Variants in B3GAT2 observed in about 807,000 individuals in gnomAD.
B3GAT2 encodes galactosylgalactosylxylosylprotein 3-beta-glucuronosyltransferase 2.
Under a neutral mutation model 27.8 loss-of-function variants are expected in B3GAT2, and 26 were observed. That is an observed-to-expected ratio of 0.93 (90% CI 0.68 to 1.30). The LOEUF (loss-of-function observed/expected upper bound fraction) is 1.30. B3GAT2 is among the 50% of genes most tolerant of loss of function. B3GAT2 has a pLI of 0.00. For synonymous variants in B3GAT2, 218 were observed against 195.1 expected (o/e 1.12, Z -0.98); for missense variants, 458 against 459.0 (o/e 1.00, Z 0.02).
intron 1 of B3GAT2, among the ~76,000 whole-genome samples, chr6:70,947,236 C>T (rs1407191227): frequency 6.6e-6 from 1 of 151,520 alleles, no homozygotes; most frequent in East Asian, 1.9e-4. Context: ...AAAATCAGAG[C>T]AGAACTGAAG....
intron 1 of B3GAT2, among the ~76,000 whole-genome samples, chr6:70,919,550 G>T (rs1224815540): frequency 8.5e-5 from 13 of 152,104 alleles, no homozygotes; most frequent in Admixed American, 7.9e-4. Flanking sequence ...TCTACCTTTG[G>T]TCTTTGATGT....
Position 70,857,112 on chromosome 6 carries a change from C to A in B3GAT2, c.*4551G>T, listed in dbSNP as rs564892493. 1.4e-5 allele frequency: 19 copies of A among 1,329,820 alleles called. No homozygotes were observed. The African/African-American group carries it at 2.8e-4, about 20-fold the overall frequency. The allele number at this position is 1,329,820 out of a possible 1,614,324, so 82.4% of individuals were successfully genotyped here. ...TTATATAATAAGATCAATTATATAT[C>A]TTTTATTGTTCCATGTAGTGAGTGC... is the stretch of plus-strand genomic sequence containing the variant. On this transcript the variant is annotated 3_prime_UTR_variant, in exon 4 of 4. Coordinates refer to ENST00000230053, the MANE Select transcript of B3GAT2 (RefSeq NM_080742.3).
intron 1 of B3GAT2, among the ~76,000 whole-genome samples, chr6:70,954,423 C>A (rs890998503): frequency 2.6e-5 from 4 of 152,080 alleles, no homozygotes; most frequent in Non-Finnish European, 5.9e-5. Context: ...GCCTTTTATT[C>A]ATGAAAGAGA....
chr6:70,919,483 C>G (rs1772830858), intron 1 of B3GAT2, among the ~76,000 whole-genome samples: 1 of 152,168 alleles, frequency 6.6e-6, no homozygotes, highest in Admixed American at 6.5e-5. Flanking sequence ...GAAAGGCGTT[C>G]TGGTTTTGGA....
In B3GAT2 at chr6:70,860,701, C is replaced by T; in HGVS notation, c.*962G>A. 2.5e-6 allele frequency: 1 copy of T among 402,260 alleles called. No individual in the cohort carries two copies. Among genetic ancestry groups the T allele is most frequent in the Non-Finnish European group, 4.4e-6 (1 of 227,906 alleles). The allele number at this position is 402,260 out of a possible 1,614,324, so 24.9% of individuals were successfully genotyped here. Reference sequence around the variant, plus strand: ...TACCTCTAATAGTATAAACCCCACCCCAAAATTAGCCAGTAATCCTGTAGG... The same window carrying T: ...TACCTCTAATAGTATAAACCCCACCTCAAAATTAGCCAGTAATCCTGTAGG... On this transcript the variant is annotated 3_prime_UTR_variant, in exon 4 of 4. Transcript: ENST00000230053.
At chr6:70,951,165 A>G (rs1765573266) in intron 1 of B3GAT2, among the ~76,000 whole-genome samples, 1 of 152,172 alleles carries the variant, frequency 6.6e-6, no homozygotes, top group Non-Finnish European at 1.5e-5. Flanking sequence ...TTAAATAGAC[A>G]TATCTGTACA....
rs138947209 is a variant in B3GAT2 at position 70,917,234 on chromosome 6, C to T, written c.592-22962G>A. 3.9e-3 allele frequency among the ~76,000 whole-genome samples: 596 copies of T among 152,162 alleles called. 14 individuals are homozygous for T. The East Asian group carries it at 0.086, about 22-fold the overall frequency. ...ATGATAGTTTGTATTTCCGTGGGAT[C>T]GGTGGTGATATCCCCTTTATCATTT... On this transcript the variant is annotated intron_variant, in intron 1 of 3. Coordinates refer to ENST00000230053, the MANE Select transcript of B3GAT2 (RefSeq NM_080742.3).
At chr6:70,862,127 TGTATTACA>T in intron 2 of B3GAT2, 149 bp from the exon 3 acceptor site, 2 of 676,944 alleles carry the variant, frequency 3.0e-6, no homozygotes, top group Non-Finnish European at 4.9e-6. Flanking sequence ...GAACATTACC[TGTATTACA>T]GTCTCAAAGG....
chr6:70,922,441 A>G (rs2150042520), intron 1 of B3GAT2, among the ~76,000 whole-genome samples: 1 of 152,312 alleles, frequency 6.6e-6, no homozygotes, highest in East Asian at 1.9e-4. Flanking sequence ...AACCATATGC[A>G]GGAATATAAA....
intron 1 of B3GAT2, among the ~76,000 whole-genome samples, chr6:70,943,209 T>C (rs1440267366): frequency 2.0e-5 from 3 of 152,234 alleles, no homozygotes; most frequent in Non-Finnish European, 4.4e-5. Flanking sequence ...TTATTTTGTT[T>C]TTAATCCAAG....
chr6:70,865,129 G>C (rs1214631635), intron 2 of B3GAT2, among the ~76,000 whole-genome samples: 8 of 152,098 alleles, frequency 5.3e-5, no homozygotes, highest in African/African-American at 1.9e-4. Context: ...AGAAATAATA[G>C]GGCTTTTTTG....
rs1284393740 is a variant in B3GAT2, at chr6:70,859,993, C to A, written c.*1670G>T. 4 of 468,930 alleles carry A rather than the reference C, an allele frequency of 8.5e-6. No homozygotes were observed. Among genetic ancestry groups the A allele is most frequent in the African/African-American group, 8.0e-5 (4 of 49,694 alleles). 29.0% of individuals were successfully genotyped at this position (468,930 alleles called of 1,614,324 possible). A position where few individuals can be genotyped will look rare whatever the true frequency, so the allele number is the denominator to read the frequency against. On this transcript the variant is annotated 3_prime_UTR_variant, in exon 4 of 4. Transcript: ENST00000230053. ...TTTTTTTAAGTAAGTTGTGGTTAAT[C>A]TTTGGGGAAACTGTATCTAGAAAGT...
At chr6:70,886,808 T>C (rs1232664627) in intron 2 of B3GAT2, among the ~76,000 whole-genome samples, 1 of 152,182 alleles carries the variant, frequency 6.6e-6, no homozygotes, top group African/African-American at 2.4e-5. Flanking sequence ...CTGCACCATG[T>C]TCTAGAAATA....
chr6:70,871,108 A>G (rs117263176), intron 2 of B3GAT2, among the ~76,000 whole-genome samples: 3,537 of 151,024 alleles, frequency 0.023, 51 homozygotes, highest in Non-Finnish European at 0.037. Context: ...TTACCTGCTC[A>G]TGGTGTATAA....
At chr6:70,867,693 C>T (rs1032681361) in intron 2 of B3GAT2, among the ~76,000 whole-genome samples, 1 of 152,052 alleles carries the variant, frequency 6.6e-6, no homozygotes, top group Non-Finnish European at 1.5e-5. Flanking sequence ...ATACACACAA[C>T]CCTCCAGGAC....
At chr6:70,888,351 AC>A (rs1772225236) in intron 2 of B3GAT2, among the ~76,000 whole-genome samples, 1 of 152,198 alleles carries the variant, frequency 6.6e-6, no homozygotes, top group Admixed American at 6.5e-5. Flanking sequence ...AAAGGATAAT[AC>A]AAATTACACC....
At chr6:70,921,097 T>C (rs938628492) in intron 1 of B3GAT2, among the ~76,000 whole-genome samples, 3 of 152,188 alleles carry the variant, frequency 2.0e-5, no homozygotes, top group Non-Finnish European at 4.4e-5. Flanking sequence ...GATGCCTACA[T>C]GTCTTGGGGA....
chr6:70,935,248 C>T (rs1471320569), intron 1 of B3GAT2, among the ~76,000 whole-genome samples: 1 of 151,876 alleles, frequency 6.6e-6, no homozygotes, highest in African/African-American at 2.4e-5. Flanking sequence ...GAGCTTGAGA[C>T]CAGCCAGGGA....
At chr6:70,898,337 T>C (rs1187897802) in intron 1 of B3GAT2, among the ~76,000 whole-genome samples, 1 of 152,146 alleles carries the variant, frequency 6.6e-6, no homozygotes, top group Non-Finnish European at 1.5e-5. Flanking sequence ...ATCTTCCCCA[T>C]AGGTGGGACA....
Sources: allele counts gnomAD v4.1 joint callset (sites outside exome capture counted in the v4.1 genomes callset), GRCh38; gene constraint gnomAD v4.1.1; transcripts MANE v1.5; gene names NCBI Gene and HGNC (gene_info 2026-07-23, HGNC 2026-07-21).